FARP2: variants seen among roughly 807,000 people sequenced by gnomAD.
The protein encoded by FARP2 is FERM, ARH/RhoGEF and pleckstrin domain protein 2.
Under a neutral mutation model 130.5 loss-of-function variants are expected in FARP2, and 111 were observed. The observed-to-expected ratio is 0.85, with a 90% CI of 0.73 to 1.00. The LOEUF is 1.00. Among genes scored for constraint, FARP2 ranks in the 50% least tolerant of loss-of-function variants. FARP2 has a pLI of 0.00. For synonymous variants in FARP2, 504 were observed against 516.9 expected (o/e 0.98, Z 0.34); for missense variants, 1,385 against 1,346.3 (o/e 1.03, Z -0.45).
chr2:241,368,445 G>A (rs1003019383), intron 1 of FARP2, among the ~76,000 whole-genome samples: 5 of 152,240 alleles, frequency 3.3e-5, no homozygotes, highest in Middle Eastern at 3.4e-3. Context: ...CGTGTTCCTA[G>A]TCTAGCCTGT....
At chr2:241,452,547 A>G (rs944613199) in intron 13 of FARP2, among the ~76,000 whole-genome samples, 3 of 152,190 alleles carry the variant, frequency 2.0e-5, no homozygotes, top group African/African-American at 7.2e-5. Context: ...GCATGCCTGT[A>G]GTCCTAGCTA....
chr2:241,404,909 G>T (rs543959162), intron 4 of FARP2, 68 bp downstream of exon 4: 4 of 1,235,274 alleles, frequency 3.2e-6, no homozygotes, highest in East Asian at 2.3e-5. Context: ...TGTTTAAAAG[G>T]CATGTTCAAC....
chr2:241,377,390 G>A (rs1022105960), intron 2 of FARP2, among the ~76,000 whole-genome samples: 3 of 150,322 alleles, frequency 2.0e-5, no homozygotes, highest in South Asian at 2.1e-4. Context: ...GCCGGACTGC[G>A]GACTGCAGTG....
intron 1 of FARP2, among the ~76,000 whole-genome samples, chr2:241,363,467 G>A (rs757572955): frequency 2.0e-5 from 3 of 152,258 alleles, no homozygotes; most frequent in Non-Finnish European, 4.4e-5. Context: ...GGGAGCCCAG[G>A]TCACTGGAAG....
At chr2:241,456,514 ACTGT>A (rs1357687365) in intron 13 of FARP2, 1 of 501,022 alleles carries the variant, frequency 2.0e-6, no homozygotes, top group African/African-American at 2.0e-5. Flanking sequence ...GAGGATCCAC[ACTGT>A]CTGTGGATTG....
chr2:241,375,714 A>G (rs1040663001), intron 2 of FARP2, among the ~76,000 whole-genome samples: 4 of 152,182 alleles, frequency 2.6e-5, no homozygotes, highest in African/African-American at 9.7e-5. Context: ...TATCTGAAGC[A>G]AAAGAAAATG....
At chr2:241,395,075 G>A (rs1388828376) in intron 2 of FARP2, among the ~76,000 whole-genome samples, 1 of 152,178 alleles carries the variant, frequency 6.6e-6, no homozygotes, top group Non-Finnish European at 1.5e-5. Context: ...TTCAGGGTAA[G>A]AGTTGTGTTG....
chr2:241,375,552 C>G (rs2061517262), intron 2 of FARP2, among the ~76,000 whole-genome samples: 3 of 151,848 alleles, frequency 2.0e-5, no homozygotes, highest in Non-Finnish European at 4.4e-5. Context: ...TCATTTTATA[C>G]CTAAGAAAAT....
At chr2:241,393,949 C>T (rs1006504565) in intron 2 of FARP2, among the ~76,000 whole-genome samples, 8 of 152,168 alleles carry the variant, frequency 5.3e-5, no homozygotes. Flanking sequence ...TCTCCTCCAG[C>T]CTAGTATTGA....
intron 17 of FARP2, chr2:241,465,758 C>G: frequency 1.3e-6 from 2 of 1,550,742 alleles, no homozygotes; most frequent in Non-Finnish European, 1.7e-6. Flanking sequence ...ACGACGACGA[C>G]TCAAGCTCCC....
At chr2:241,458,036 C>T (rs1022046241) in intron 14 of FARP2, among the ~76,000 whole-genome samples, 2 of 152,102 alleles carry the variant, frequency 1.3e-5, no homozygotes, top group Admixed American at 6.5e-5. Context: ...AGAAAGTGAC[C>T]GAGCAGAGAA....
At chr2:241,427,967 T>C (rs371277000) in intron 8 of FARP2, among the ~76,000 whole-genome samples, 578 of 152,078 alleles carry the variant, frequency 3.8e-3, no homozygotes, top group East Asian at 6.4e-3. Flanking sequence ...GGGGTTTCAC[T>C]GTGTTAGCCA....
At chr2:241,489,107 C>T (rs1035466537) in intron 21 of FARP2, 13 of 152,192 alleles carry the variant, frequency 8.5e-5, no homozygotes, top group African/African-American at 3.1e-4. Context: ...CAATGTTTTG[C>T]CTGCCCTTGC....
At chr2:241,417,512 A>G (rs1221404371) in intron 7 of FARP2, among the ~76,000 whole-genome samples, 2 of 152,094 alleles carry the variant, frequency 1.3e-5, no homozygotes, top group African/African-American at 4.8e-5. Flanking sequence ...TAGCAGAGAC[A>G]GGGTTTCGCC....
At chr2:241,434,651 A>G (rs904338605) in intron 10 of FARP2, among the ~76,000 whole-genome samples, 1 of 152,184 alleles carries the variant, frequency 6.6e-6, no homozygotes, top group African/African-American at 2.4e-5. Context: ...CAGGAATTCG[A>G]TATCAGCCTG....
At chr2:241,450,395 C>T (rs751484588) in intron 13 of FARP2, among the ~76,000 whole-genome samples, 10 of 151,504 alleles carry the variant, frequency 6.6e-5, no homozygotes, top group African/African-American at 9.7e-5. Context: ...AGGCCAGGCG[C>T]GGTGGCTCAC....
At chr2:241,372,148 A>G (rs1310342769) in intron 1 of FARP2, among the ~76,000 whole-genome samples, 1 of 152,074 alleles carries the variant, frequency 6.6e-6, no homozygotes, top group East Asian at 1.9e-4. Context: ...GCACAAAAGG[A>G]GAGTTGAAAA....
chr2:241,359,261 C>T (rs2061131116), intron 1 of FARP2, among the ~76,000 whole-genome samples: 1 of 152,114 alleles, frequency 6.6e-6, no homozygotes, highest in African/African-American at 2.4e-5. Context: ...AGCTTATTGC[C>T]ATTTTAAAAT....
chr2:241,460,228 C>T (rs865929538), intron 14 of FARP2, among the ~76,000 whole-genome samples: 8 of 152,254 alleles, frequency 5.3e-5, no homozygotes, highest in Middle Eastern at 6.8e-3. Context: ...CCTCTGGGGA[C>T]GGGACCAGCT....
Sources: gnomAD v4.1 joint callset for allele counts (sites outside exome capture counted in the v4.1 genomes callset) on GRCh38, gnomAD v4.1.1 for gene constraint, MANE v1.5 for transcripts, NCBI Gene and HGNC (gene_info 2026-07-23, HGNC 2026-07-21) for gene names.